The following HUNK variants were observed in gnomAD, a reference collection of about 807,000 sequenced individuals.
The protein encoded by HUNK is hormonally up-regulated Neu-associated kinase.
A neutral mutation model predicts 61.0 loss-of-function variants in HUNK; 21 were observed. The ratio of observed to expected loss-of-function variants is 0.34; its 90% CI spans 0.24 to 0.50. The LOEUF (loss-of-function observed/expected upper bound fraction) is 0.50, where lower values mean the gene tolerates loss of function less well. Ranked by LOEUF, HUNK falls within the 20% of genes least tolerant of loss-of-function variation. The pLI is 0.98. For missense variants in HUNK, 772 were observed against 945.7 expected (o/e 0.82, Z 2.41); for synonymous variants, 371 against 386.1 (o/e 0.96, Z 0.46).
At chr21:31,909,711 T>A (rs533215479) in intron 1 of HUNK, among the ~76,000 whole-genome samples, 1 of 152,332 alleles carries the variant, frequency 6.6e-6, no homozygotes, top group South Asian at 2.1e-4. Context: ...CTAGCATCGT[T>A]TCTCTGCAAA....
At chr21:31,953,586 C>A (rs937943566) in intron 4 of HUNK, among the ~76,000 whole-genome samples, 2 of 152,174 alleles carry the variant, frequency 1.3e-5, no homozygotes, top group African/African-American at 4.8e-5. Flanking sequence ...TAGCTTTTTC[C>A]CTCTTATTTT....
intron 6 of HUNK, among the ~76,000 whole-genome samples, chr21:31,971,360 C>T (rs1281396602): frequency 6.6e-6 from 1 of 152,140 alleles, no homozygotes; most frequent in Non-Finnish European, 1.5e-5. Context: ...GCGTGAGCCA[C>T]CACCGTGCCT....
At chr21:31,874,035 C>T in intron 1 of HUNK, 100 bp downstream of exon 1, 1 of 892,962 alleles carries the variant, frequency 1.1e-6, no homozygotes. Context: ...TGTGCAGTCC[C>T]GGGCCAAGCG....
At chr21:31,919,432 G>A (rs920876046) in intron 1 of HUNK, among the ~76,000 whole-genome samples, 5 of 152,152 alleles carry the variant, frequency 3.3e-5, no homozygotes, top group Non-Finnish European at 4.4e-5. Flanking sequence ...CTAAAGAAAA[G>A]CCTAGCATGC....
rs988599374 is a variant in HUNK, at chr21:31,927,133, C to T, written c.554+2373C>T. Among the ~76,000 whole-genome samples, 25 of 152,068 alleles carry T rather than the reference C, an allele frequency of 1.6e-4. 1 individual carries two copies. Among genetic ancestry groups the T allele is most frequent in the East Asian group, 1.4e-3 (7 of 5,098 alleles). ...TCGGCTCACTGCAACTTCCGCCTTC[C>T]GGGTTCAAGAGATTCTACTGCCTCA... On this transcript the variant is annotated intron_variant, in intron 2 of 10. Transcript: ENST00000270112.
intron 10 of HUNK, among the ~76,000 whole-genome samples, chr21:31,997,013 G>A (rs2053210376): frequency 1.3e-5 from 2 of 152,306 alleles, no homozygotes; most frequent in Middle Eastern, 3.4e-3. Context: ...TGCCTGCGCC[G>A]GCCTTTCATT....
chr21:31,974,460 G>A, intron 6 of HUNK, 95 bp from the exon 7 acceptor site: 1 of 1,151,260 alleles, frequency 8.7e-7, no homozygotes, highest in Non-Finnish European at 1.2e-6. Flanking sequence ...GTGAATGAAT[G>A]AGTGAATGAA....
At chr21:31,884,769 C>A (rs969703935) in intron 1 of HUNK, among the ~76,000 whole-genome samples, 2 of 151,762 alleles carry the variant, frequency 1.3e-5, no homozygotes, top group South Asian at 2.1e-4. Flanking sequence ...GAGAAAGACA[C>A]GTCTCTTCTT....
chr21:31,928,404 C>T (rs540892930), intron 2 of HUNK, among the ~76,000 whole-genome samples: 2 of 152,310 alleles, frequency 1.3e-5, no homozygotes, highest in South Asian at 2.1e-4. Context: ...TCCCTCTCAG[C>T]GCAATTACTG....
intron 5 of HUNK, among the ~76,000 whole-genome samples, chr21:31,963,578 G>A (rs1022824082): frequency 2.0e-5 from 3 of 152,300 alleles, no homozygotes; most frequent in East Asian, 3.9e-4. Context: ...GCTCACTGCA[G>A]CCTCGGCCTC....
intron 1 of HUNK, among the ~76,000 whole-genome samples, chr21:31,895,152 A>T (rs2052416675): frequency 6.6e-6 from 1 of 152,192 alleles, no homozygotes; most frequent in African/African-American, 2.4e-5. Flanking sequence ...CAGTGTGTTT[A>T]TGTCACTCAA....
rs149797362 is a variant in HUNK at position 31,905,972 on chromosome 21, C to T, written c.262-18496C>T. Among the ~76,000 whole-genome samples the T allele has an allele frequency of 5.4e-3, 792 of 146,372 alleles. 2 individuals are homozygous for T. The highest frequency in any genetic ancestry group is 8.5e-3 in the Non-Finnish European group (567 of 67,044). On this transcript the variant is annotated intron_variant, in intron 1 of 10. Coordinates refer to ENST00000270112, the MANE Select transcript of HUNK (RefSeq NM_014586.2). ...GGATTCCTGTGTTCAGTTTAGTGTA[C>T]GACTGTTATTTTAATTTTTTTTTTT...
At chr21:31,899,757 G>A (rs1488828506) in intron 1 of HUNK, among the ~76,000 whole-genome samples, 1 of 151,070 alleles carries the variant, frequency 6.6e-6, no homozygotes, top group Non-Finnish European at 1.5e-5. Flanking sequence ...TTCAGCTCCT[G>A]TAAGTTACAC....
intron 10 of HUNK, among the ~76,000 whole-genome samples, chr21:31,997,251 G>T (rs906055133): frequency 6.6e-6 from 1 of 152,166 alleles, no homozygotes; most frequent in Non-Finnish European, 1.5e-5. Flanking sequence ...TTCTTTTCTG[G>T]CCCAGTTTCC....
At chr21:31,977,995 G>A (rs1296787453) in intron 7 of HUNK, among the ~76,000 whole-genome samples, 1 of 152,242 alleles carries the variant, frequency 6.6e-6, no homozygotes, top group Admixed American at 6.5e-5. Context: ...ACTGCACCTG[G>A]CCTGAAGCTC....
chr21:31,914,348 CA>C (rs1270549723), intron 1 of HUNK, among the ~76,000 whole-genome samples: 2 of 123,748 alleles, frequency 1.6e-5, no homozygotes, highest in Non-Finnish European at 3.2e-5. Context: ...GTGGAGATTG[CA>C]GTGAGCTGAG....
intron 1 of HUNK, among the ~76,000 whole-genome samples, chr21:31,905,225 G>A (rs2052497151): frequency 6.6e-6 from 1 of 152,132 alleles, no homozygotes; most frequent in East Asian, 1.9e-4. Context: ...GATAAATGGG[G>A]TAATAGGAAA....
rs995999088 is a variant in HUNK, at chr21:31,999,847, T to G, written c.*663T>G. The G allele has an allele frequency of 1.3e-5, 3 of 228,778 alleles. No homozygotes were observed. Among genetic ancestry groups the G allele is most frequent in the Non-Finnish European group, 2.5e-5 (3 of 120,272 alleles). The allele number at this position is 228,778 out of a possible 1,614,324, so 14.2% of individuals were successfully genotyped here. A position where few individuals can be genotyped will look rare whatever the true frequency, so the allele number is the denominator to read the frequency against. On this transcript the variant is annotated 3_prime_UTR_variant, in exon 11 of 11. Coordinates refer to ENST00000270112, the MANE Select transcript of HUNK (RefSeq NM_014586.2). The stretch of plus-strand genomic sequence containing the variant: ...TTTTGTTGTTGTTGTTGTTGAAACA[T>G]GCTAATGATTGAATTATCTTTTCCA...
At chr21:31,940,404 A>G (rs2052761788) in intron 3 of HUNK, among the ~76,000 whole-genome samples, 184 bp downstream of exon 3, 1 of 152,174 alleles carries the variant, frequency 6.6e-6, no homozygotes, top group South Asian at 2.1e-4. Flanking sequence ...TCTTATTCAA[A>G]CTATAGCTTC....
Sources: allele counts gnomAD v4.1 joint callset (sites outside exome capture counted in the v4.1 genomes callset), GRCh38; gene constraint gnomAD v4.1.1; transcripts MANE v1.5; gene names NCBI Gene and HGNC (gene_info 2026-07-23, HGNC 2026-07-21).